The following BEST3 variants were observed in gnomAD, a reference collection of about 807,000 sequenced individuals.
BEST3 encodes the protein bestrophin 3.
Under a neutral mutation model 47.1 loss-of-function variants are expected in BEST3, and 50 were observed. That is an observed-to-expected ratio of 1.06 (90% confidence interval 0.85 to 1.34). BEST3 has a LOEUF of 1.34. Among genes scored for constraint, BEST3 ranks in the 40% most tolerant of loss-of-function variants. The pLI, the probability that BEST3 is intolerant of heterozygous loss-of-function variation, is 0.00. For synonymous variants in BEST3, 282 were observed against 298.8 expected (o/e 0.94, Z 0.58); for missense variants, 765 against 817.0 (o/e 0.94, Z 0.78).
intron 9 of BEST3, among the ~76,000 whole-genome samples, chr12:69,657,824 C>T (rs555678708): frequency 5.3e-5 from 8 of 152,328 alleles, no homozygotes; most frequent in Admixed American, 2.6e-4. Flanking sequence ...CCTGGGACGG[C>T]GTTCGATTAC....
chr12:69,697,124 C>G (rs1886159563), intron 2 of BEST3, among the ~76,000 whole-genome samples: 1 of 152,110 alleles, frequency 6.6e-6, no homozygotes, highest in Non-Finnish European at 1.5e-5. Flanking sequence ...TTCTACAGGC[C>G]TTTGCTTTAG....
At chr12:69,678,688 C>T (rs1253748966) in intron 5 of BEST3, 51 bp downstream of exon 5, 1 of 1,567,382 alleles carries the variant, frequency 6.4e-7, no homozygotes, top group Non-Finnish European at 8.8e-7. Context: ...TATCCAGGTC[C>T]TTCTTGGTCT....
At chr12:69,685,771 C>T (rs1013083185) in intron 4 of BEST3, among the ~76,000 whole-genome samples, 5 of 152,266 alleles carry the variant, frequency 3.3e-5, no homozygotes, top group Admixed American at 6.5e-5. Context: ...TAAATAAGCA[C>T]CCTGGCTAAT....
chr12:69,663,890 CAGTATTACAAAAGAACA>C (rs1884021369), intron 9 of BEST3, among the ~76,000 whole-genome samples: 1 of 152,112 alleles, frequency 6.6e-6, no homozygotes, highest in Non-Finnish European at 1.5e-5. Context: ...AAGGATTCCG[CAGTATTACAAAAGAACA>C]AGCAAAACAG....
At chr12:69,688,618 C>T (rs1279399304) in intron 4 of BEST3, among the ~76,000 whole-genome samples, 2 of 152,308 alleles carry the variant, frequency 1.3e-5, no homozygotes, top group Middle Eastern at 3.4e-3. Context: ...GTTCAACCAG[C>T]GCCAGCCAAG....
At chr12:69,694,967 C>G (rs1031711327) in intron 2 of BEST3, among the ~76,000 whole-genome samples, 2 of 152,072 alleles carry the variant, frequency 1.3e-5, no homozygotes, top group Non-Finnish European at 2.9e-5. Context: ...GATATTATAA[C>G]TGTTCATTTT....
chr12:69,648,868 A>AG (rs1883123309), downstream of BEST3, among the ~76,000 whole-genome samples: 1 of 152,232 alleles, frequency 6.6e-6, no homozygotes, highest in Non-Finnish European at 1.5e-5. Context: ...ATAAAGTACC[A>AG]AATTACATGT....
intron 9 of BEST3, chr12:69,660,318 T>C (rs1056669259): frequency 1.7e-4 from 26 of 152,354 alleles, no homozygotes; most frequent in Middle Eastern, 3.4e-3. Flanking sequence ...TTGGAGGAGA[T>C]GATAATGTGT....
At chr12:69,659,811 C>A (rs1883763948) in intron 9 of BEST3, among the ~76,000 whole-genome samples, 1 of 152,108 alleles carries the variant, frequency 6.6e-6, no homozygotes, top group African/African-American at 2.4e-5. Context: ...ACTTAACCAA[C>A]TAATAGCAGA....
rs1883487026 is a variant in BEST3 at position 69,656,277 on chromosome 12, G to C, written c.1101-464C>G. On this transcript the variant is annotated intron_variant, in intron 9 of 9. Coordinates refer to ENST00000330891, the MANE Select transcript of BEST3 (RefSeq NM_032735.3). ...CAGGACTCTCTGGAGTGGTCTTAGG[G>C]ATCCCCAGATATCCCCAGACTACAC... Among the ~76,000 whole-genome samples the C allele has an allele frequency of 2.0e-5, 3 of 152,058 alleles. No individual in the cohort carries two copies. The South Asian group carries it at 6.2e-4, about 32-fold the overall frequency.
At chr12:69,663,256 G>C (rs1481416575) in intron 9 of BEST3, among the ~76,000 whole-genome samples, 3 of 152,182 alleles carry the variant, frequency 2.0e-5, no homozygotes, top group Admixed American at 1.3e-4. Flanking sequence ...GTTGTGACAG[G>C]ATAGTTCTGG....
At chr12:69,674,091 C>G (rs1344832736) in intron 7 of BEST3, among the ~76,000 whole-genome samples, 2 of 151,648 alleles carry the variant, frequency 1.3e-5, no homozygotes, top group Non-Finnish European at 2.9e-5. Flanking sequence ...GAGAGAGAGA[C>G]AGGGAGAGAG....
intron 9 of BEST3, chr12:69,670,521 A>G (rs142392948): frequency 0.026 from 18,056 of 702,920 alleles, 336 homozygotes; most frequent in Non-Finnish European, 0.034. Context: ...GCCACAAACC[A>G]TCACTGATGG....
Position 69,671,458 on chromosome 12 carries a change from G to T in BEST3, c.1070C>A (p.Pro357His). ...YTLAAADYCI[P>H]SFLGSTVQMG... ...CTGGACTGTTGACCCCAGAAATGAG[G>T]GTATGCAGTAGTCAGCAGCTGCCAA... Residue 357 changes from proline (P) to histidine (H), a missense_variant, in exon 9 of 10, where the codon CCC (proline) becomes CAC (histidine). By Grantham distance (77) the Pro-to-His change is moderately conservative (BLOSUM62 -2). Transcript: ENST00000330891. 6.2e-7 allele frequency: 1 copy of T among 1,613,996 alleles called. No individual in the cohort carries two copies. The highest frequency in any genetic ancestry group is 8.5e-7 in the Non-Finnish European group (1 of 1,179,974).
chr12:69,697,918 C>T, intron 1 of BEST3, 105 bp from the exon 2 acceptor site: 1 of 833,808 alleles, frequency 1.2e-6, no homozygotes, highest in Non-Finnish European at 1.8e-6. Flanking sequence ...AACTAGTCAG[C>T]CATATCTCTG....
intron 9 of BEST3, among the ~76,000 whole-genome samples, chr12:69,667,102 A>G (rs188246860): frequency 4.8e-4 from 73 of 152,288 alleles, no homozygotes; most frequent in Admixed American, 3.3e-3. Flanking sequence ...TACCTGGCCT[A>G]TAAAACCCTC....
At chr12:69,652,405 G>A (rs1883240171), downstream of BEST3, among the ~76,000 whole-genome samples, 1 of 152,024 alleles carries the variant, frequency 6.6e-6, no homozygotes, top group South Asian at 2.1e-4. Context: ...TTTCAACCGT[G>A]GTCTGTGTTG....
intron 9 of BEST3, among the ~76,000 whole-genome samples, chr12:69,664,916 T>C (rs1884096580): frequency 1.3e-5 from 2 of 152,100 alleles, no homozygotes; most frequent in African/African-American, 2.4e-5. Context: ...GTAAGATAAA[T>C]AGCGTAAGAT....
chr12:69,688,424 A>G (rs1885760899), intron 4 of BEST3, among the ~76,000 whole-genome samples: 1 of 152,190 alleles, frequency 6.6e-6, no homozygotes, highest in South Asian at 2.1e-4. Context: ...TTGTATTTTT[A>G]TTTTCATATA....
Sources: allele counts gnomAD v4.1 joint callset (sites outside exome capture counted in the v4.1 genomes callset), GRCh38; gene constraint gnomAD v4.1.1; transcripts MANE v1.5; gene names NCBI Gene and HGNC (gene_info 2026-07-23, HGNC 2026-07-21).